Variants in BNC2 observed in about 807,000 individuals in gnomAD.
The protein encoded by BNC2 is basonuclin zinc finger protein 2.
A neutral mutation model predicts 76.3 loss-of-function variants in BNC2; 20 were observed. The ratio of observed to expected loss-of-function variants is 0.26; its 90% CI spans 0.18 to 0.38. BNC2 has a LOEUF of 0.38. BNC2 is among the 10% of genes least tolerant of loss of function. The pLI, the probability that BNC2 is intolerant of heterozygous loss-of-function variation, is 1.00. For synonymous variants in BNC2, 582 were observed against 514.8 expected, an observed-to-expected ratio of 1.13 and a Z score of -1.77; for missense variants, 1,382 against 1,399.8, an observed-to-expected ratio of 0.99 and a Z score of 0.20.
At chr9:16,601,477 C>T (rs1166085761) in intron 3 of BNC2, among the ~76,000 whole-genome samples, 1 of 152,138 alleles carries the variant, frequency 6.6e-6, no homozygotes, top group Non-Finnish European at 1.5e-5. Context: ...TGTTTCGAAT[C>T]CCCTGGGACA....
chr9:16,648,418 A>C (rs1419404616), intron 3 of BNC2, among the ~76,000 whole-genome samples: 1 of 152,232 alleles, frequency 6.6e-6, no homozygotes, highest in African/African-American at 2.4e-5. Flanking sequence ...GATTGAGAAC[A>C]CATCCAGGTT....
At chr9:16,624,077 A>G (rs1820930908) in intron 3 of BNC2, among the ~76,000 whole-genome samples, 1 of 152,232 alleles carries the variant, frequency 6.6e-6, no homozygotes, top group Admixed American at 6.5e-5. Flanking sequence ...ACTCTAAACT[A>G]CAATGTTTTT....
intron 3 of BNC2, among the ~76,000 whole-genome samples, chr9:16,706,569 C>G (rs1017992920): frequency 6.6e-6 from 1 of 152,138 alleles, no homozygotes. Flanking sequence ...GGTTAACATG[C>G]ACATATAAAA....
In BNC2 at chr9:16,437,357, G is replaced by T; in HGVS notation, c.837C>A (p.Asp279Glu). 1.9e-6 allele frequency: 3 copies of T among 1,614,040 alleles called. No homozygotes were observed. The highest frequency in any genetic ancestry group is 1.7e-6 in the Non-Finnish European group (2 of 1,179,900). Residue 279 changes from aspartate (D) to glutamate (E), a missense_variant, in exon 6 of 7, where the codon GAC becomes GAA. Around this residue, in one of 3 missense-constraint regions of BNC2, gnomAD observed 557 missense variants for 540.9 expected, o/e 1.03. Coordinates refer to ENST00000380672, the MANE Select transcript of BNC2 (RefSeq NM_017637.6). Reference sequence around the variant, plus strand: ...TCTCAATGAAAGTCCTTATATCTGAGTCTGTCTTTGAAGATGGTACAGCCA... The same window carrying T: ...TCTCAATGAAAGTCCTTATATCTGATTCTGTCTTTGAAGATGGTACAGCCA... ...QAVAVPSSKT[D>E]SDIRTFIESN...
At chr9:16,596,634 C>T (rs1820090535) in intron 3 of BNC2, among the ~76,000 whole-genome samples, 1 of 152,042 alleles carries the variant, frequency 6.6e-6, no homozygotes, top group South Asian at 2.1e-4. Context: ...GTAAAAACTA[C>T]AATATATTTT....
intron 1 of BNC2, among the ~76,000 whole-genome samples, chr9:16,789,547 C>G (rs1012435455): frequency 6.6e-6 from 1 of 152,164 alleles, no homozygotes; most frequent in Non-Finnish European, 1.5e-5. Context: ...CCTTCTTCAA[C>G]GCAGCTTTTC....
At chr9:16,640,092 C>CA (rs200612050) in intron 3 of BNC2, among the ~76,000 whole-genome samples, 11,619 of 143,020 alleles carry the variant, frequency 0.081, 542 homozygotes, top group Middle Eastern at 0.14. Context: ...CTCTTCTTCA[C>CA]AAAAAAAAAA....
At chr9:16,523,840 C>A (rs971915055) in intron 5 of BNC2, among the ~76,000 whole-genome samples, 19 of 151,962 alleles carry the variant, frequency 1.3e-4, no homozygotes, top group African/African-American at 4.1e-4. Context: ...GCAGGAGAAT[C>A]GCTTGAACCC....
At chr9:16,520,389 A>G (rs2132062535) in intron 5 of BNC2, among the ~76,000 whole-genome samples, 2 of 152,376 alleles carry the variant, frequency 1.3e-5, no homozygotes, top group Middle Eastern at 6.8e-3. Context: ...CAAAAAGAAA[A>G]GCAGGAATGG....
chr9:16,431,563 G>A (rs1820908171), intron 6 of BNC2: 2 of 412,152 alleles, frequency 4.9e-6, no homozygotes, highest in Admixed American at 5.2e-5. Flanking sequence ...CACCTCAGCA[G>A]CAGACAGATC....
chr9:16,726,300 C>T (rs1012963223), intron 3 of BNC2, among the ~76,000 whole-genome samples: 5 of 152,166 alleles, frequency 3.3e-5, no homozygotes, highest in Admixed American at 2.6e-4. Context: ...ACTGTATCAG[C>T]AGTAATCAGG....
chr9:16,745,396 G>C (rs1026126332), intron 1 of BNC2, among the ~76,000 whole-genome samples: 1 of 152,142 alleles, frequency 6.6e-6, no homozygotes, highest in Non-Finnish European at 1.5e-5. Flanking sequence ...AGCTGCTGAG[G>C]GAATGGGCAG....
chr9:16,576,170 C>G (rs1466790629), intron 4 of BNC2, among the ~76,000 whole-genome samples: 1 of 152,200 alleles, frequency 6.6e-6, no homozygotes, highest in African/African-American at 2.4e-5. Context: ...AAAAAAATTT[C>G]TACGAAAGAA....
At chr9:16,766,539 T>C (rs1019297592) in intron 1 of BNC2, among the ~76,000 whole-genome samples, 1 of 152,208 alleles carries the variant, frequency 6.6e-6, no homozygotes, top group African/African-American at 2.4e-5. Flanking sequence ...TCCCTCCAGC[T>C]GCAATCTAAG....
intron 3 of BNC2, among the ~76,000 whole-genome samples, chr9:16,654,852 T>C (rs1285402780): frequency 1.3e-5 from 2 of 152,150 alleles, no homozygotes; most frequent in Non-Finnish European, 2.9e-5. Context: ...CACCTCTTAA[T>C]GCAGGAAAAA....
chr9:16,717,080 A>G (rs1038316477), intron 3 of BNC2, among the ~76,000 whole-genome samples: 1 of 152,208 alleles, frequency 6.6e-6, no homozygotes, highest in Non-Finnish European at 1.5e-5. Flanking sequence ...TTCTTATGGG[A>G]AACATTTTTC....
chr9:16,858,305 T>C (rs1775579060), intron 1 of BNC2, among the ~76,000 whole-genome samples: 1 of 152,216 alleles, frequency 6.6e-6, no homozygotes, highest in Admixed American at 6.5e-5. Context: ...TTAAACTCAA[T>C]GATAATTAAG....
chr9:16,420,762 T>A (rs1403171518), intron 6 of BNC2, among the ~76,000 whole-genome samples: 1 of 152,076 alleles, frequency 6.6e-6, no homozygotes, highest in Non-Finnish European at 1.5e-5. Context: ...ACATCATGAT[T>A]TACAAAGCCT....
At chr9:16,525,880 A>G (rs1020694552) in intron 5 of BNC2, among the ~76,000 whole-genome samples, 3 of 152,186 alleles carry the variant, frequency 2.0e-5, no homozygotes, top group South Asian at 2.1e-4. Flanking sequence ...AGTCCTTTAT[A>G]TAATTTTTTT....
Sources: allele counts gnomAD v4.1 joint callset (sites outside exome capture counted in the v4.1 genomes callset), GRCh38; gene constraint gnomAD v4.1.1; regional missense constraint gnomAD v4.1.1; transcripts MANE v1.5; gene names NCBI Gene and HGNC (gene_info 2026-07-23, HGNC 2026-07-21).